Variants in BBS9 observed in about 807,000 individuals in gnomAD.
BBS9 encodes protein PTHB1.
Under a neutral mutation model 117.7 loss-of-function variants are expected in BBS9, and 89 were observed. The observed-to-expected ratio is 0.76, with a 90% confidence interval of 0.64 to 0.90. The LOEUF is 0.90. BBS9 is among the 40% of genes least tolerant of loss of function. BBS9 has a pLI of 0.00. For missense variants in BBS9, 982 were observed against 1,042.2 expected, an observed-to-expected ratio of 0.94 and a Z score of 0.80; for synonymous variants, 379 against 370.9, an observed-to-expected ratio of 1.02 and a Z score of -0.25.
At chr7:33,490,998 A>G (rs902157272) in intron 19 of BBS9, among the ~76,000 whole-genome samples, 1 of 152,152 alleles carries the variant, frequency 6.6e-6, no homozygotes, top group African/African-American at 2.4e-5. Context: ...GCCAAAGTAG[A>G]TCTAATAGCC....
At position 33,510,476 on chromosome 7, in the gene BBS9, C is replaced by A. The variant is rs1199091486; in HGVS notation, c.2298+4831C>A. The stretch of plus-strand genomic sequence containing the variant: ...AAAACCATCCATACTTCAGGATGGC[C>A]TGATAGGACAAATCTCTTTACTCAT... On this transcript the variant is annotated intron_variant, in intron 20 of 22. Coordinates refer to ENST00000242067, the MANE Select transcript of BBS9 (RefSeq NM_198428.3). Among the ~76,000 whole-genome samples the A allele has an allele frequency of 2.0e-5, 3 of 152,122 alleles. No individual in the cohort carries two copies. The East Asian group carries it at 5.8e-4, about 29-fold the overall frequency.
In BBS9 at chr7:33,272,915, CT is replaced by C. The variant is rs1183306259; in HGVS notation, c.703-94del. ...AGATTAGCCCATCTTTATATTTCTG[CT>C]TTGTTGTAAAGCAATTTCTTAATTT... On this transcript the variant is annotated intron_variant, in intron 7 of 22. Transcript: ENST00000242067. The C allele has an allele frequency of 4.9e-6, 6 of 1,215,240 alleles. No homozygotes were observed. The African/African-American group carries it at 6.0e-5, about 12-fold the overall frequency. The allele number at this position is 1,215,240 out of a possible 1,614,324, so 75.3% of individuals were successfully genotyped here. A position where few individuals can be genotyped will look rare whatever the true frequency, so the allele number is the denominator to read the frequency against.
At chr7:33,159,115 C>G (rs1198686961) in intron 4 of BBS9, among the ~76,000 whole-genome samples, 1 of 152,070 alleles carries the variant, frequency 6.6e-6, no homozygotes, top group Non-Finnish European at 1.5e-5. Context: ...GGTTATAGTT[C>G]ACTATGTACA....
intron 5 of BBS9, among the ~76,000 whole-genome samples, chr7:33,238,970 G>A (rs1287073354): frequency 1.3e-5 from 2 of 152,088 alleles, no homozygotes; most frequent in Non-Finnish European, 2.9e-5. Flanking sequence ...ATCTCCATGA[G>A]TGTTCATTTC....
At chr7:33,243,561 A>G (rs1420156) in intron 5 of BBS9, among the ~76,000 whole-genome samples, 1 of 152,328 alleles carries the variant, frequency 6.6e-6, no homozygotes, top group East Asian at 1.9e-4. Context: ...AGATTTTAAC[A>G]AGTCAGAATA....
chr7:33,219,059 C>G (rs1053063547), intron 5 of BBS9, among the ~76,000 whole-genome samples: 1 of 152,202 alleles, frequency 6.6e-6, no homozygotes, highest in East Asian at 1.9e-4. Flanking sequence ...TGGCGGGCCC[C>G]GCACTCGGAG....
At chr7:33,351,360 G>A (rs778821352) in intron 14 of BBS9, 37 bp downstream of exon 14, 1 of 1,361,888 alleles carries the variant, frequency 7.3e-7, no homozygotes, top group Non-Finnish European at 1.1e-6. Flanking sequence ...TTAAGTTGTT[G>A]GAGTTATGAG....
chr7:33,423,291 TG>T (rs753364523), intron 19 of BBS9, among the ~76,000 whole-genome samples: 89 of 152,084 alleles, frequency 5.9e-4, no homozygotes, highest in Non-Finnish European at 1.1e-3. Flanking sequence ...CTGGAGCCTG[TG>T]GGAATACAGC....
At chr7:33,212,765 G>C (rs1437782056) in intron 5 of BBS9, among the ~76,000 whole-genome samples, 16 of 152,178 alleles carry the variant, frequency 1.1e-4, no homozygotes, top group Non-Finnish European at 1.5e-5. Context: ...GGCTGGTAGA[G>C]GTACGGCCTT....
chr7:33,309,145 G>GT (rs374264331), intron 9 of BBS9, among the ~76,000 whole-genome samples: 18 of 152,318 alleles, frequency 1.2e-4, no homozygotes, highest in African/African-American at 4.3e-4. Flanking sequence ...AATCACTGGA[G>GT]TAGGGGGTCT....
At chr7:33,600,399 GTT>G (rs5883410) in intron 21 of BBS9, among the ~76,000 whole-genome samples, 6 of 148,182 alleles carry the variant, frequency 4.0e-5, no homozygotes, top group South Asian at 2.1e-4. Flanking sequence ...TGAAAAGCAA[GTT>G]TTTTTTTTTT....
intron 1 of BBS9, among the ~76,000 whole-genome samples, chr7:33,132,769 A>G (rs1466744724): frequency 6.6e-6 from 1 of 152,146 alleles, no homozygotes; most frequent in Non-Finnish European, 1.5e-5. Flanking sequence ...CAAGGCCTAT[A>G]TCTTTCCTAG....
intron 21 of BBS9, among the ~76,000 whole-genome samples, chr7:33,569,693 A>C (rs1258782574): frequency 1.3e-5 from 2 of 151,866 alleles, no homozygotes; most frequent in African/African-American, 4.8e-5. Flanking sequence ...ACCCGGGAGG[A>C]GGAAATTGCA....
rs1164669338 is a variant in BBS9 at position 33,363,972 on chromosome 7, G to A, written c.1694-3795G>A. ...TTTTTTATTTTTTTTTTTTTGAGAC[G>A]GAGTCTCGCTCTGTCGCCCAGGCTG... On this transcript the variant is annotated intron_variant, in intron 16 of 22. Coordinates refer to ENST00000242067, the MANE Select transcript of BBS9 (RefSeq NM_198428.3). Among the ~76,000 whole-genome samples, 29 of 28,468 alleles carry A rather than the reference G, an allele frequency of 1.0e-3. 9 individuals are homozygous for A. Among genetic ancestry groups the A allele is most frequent in the Non-Finnish European group, 1.6e-3 (23 of 14,178 alleles). The allele number at this position is 28,468 out of a possible 152,430, so 18.7% of individuals were successfully genotyped here.
chr7:33,381,652 T>TTATTTTAAAAAG (rs1825058514), intron 17 of BBS9, among the ~76,000 whole-genome samples: 1 of 152,178 alleles, frequency 6.6e-6, no homozygotes, highest in African/African-American at 2.4e-5. Flanking sequence ...TTGGTGGCAT[T>TTATTTTAAAAAG]TATTTTAAAA....
intron 11 of BBS9, among the ~76,000 whole-genome samples, chr7:33,341,336 G>T (rs911690406): frequency 7.9e-5 from 12 of 151,948 alleles, no homozygotes; most frequent in African/African-American, 2.9e-4. Context: ...CCAGATTTTT[G>T]TTGGAGATTC....
chr7:33,188,074 G>C (rs1383556390), intron 5 of BBS9, among the ~76,000 whole-genome samples: 1 of 110,266 alleles, frequency 9.1e-6, no homozygotes. Flanking sequence ...CCCTGTAGTT[G>C]AGTGAATGTG....
intron 5 of BBS9, among the ~76,000 whole-genome samples, chr7:33,221,874 G>A (rs947750358): frequency 2.6e-5 from 4 of 151,842 alleles, no homozygotes; most frequent in South Asian, 4.2e-4. Context: ...AATCATATAT[G>A]TGATATGAAA....
At chr7:33,158,970 A>G (rs1794463855) in intron 4 of BBS9, among the ~76,000 whole-genome samples, 1 of 137,408 alleles carries the variant, frequency 7.3e-6, no homozygotes. Context: ...AGAATGAGGT[A>G]CAGAAACGGT....
Sources: allele counts gnomAD v4.1 joint callset (sites outside exome capture counted in the v4.1 genomes callset), GRCh38; gene constraint gnomAD v4.1.1; transcripts MANE v1.5; gene names NCBI Gene and HGNC (gene_info 2026-07-23, HGNC 2026-07-21).